DSG4: variants seen among roughly 807,000 people sequenced by gnomAD.
DSG4 encodes the protein desmoglein-4.
Under a neutral mutation model 93.1 loss-of-function variants are expected in DSG4, and 87 were observed. The observed-to-expected ratio is 0.93, with a 90% CI of 0.79 to 1.12. The LOEUF (loss-of-function observed/expected upper bound fraction) is 1.12, where lower values mean the gene tolerates loss of function less well. Among genes scored for constraint, DSG4 ranks in the 50% most tolerant of loss-of-function variants. The pLI, the probability that DSG4 is intolerant of heterozygous loss-of-function variation, is 0.00. For synonymous variants in DSG4, 432 were observed against 452.9 expected, an observed-to-expected ratio of 0.95 and a Z score of 0.59; for missense variants, 1,373 against 1,285.7, an observed-to-expected ratio of 1.07 and a Z score of -1.04.
intron 7 of DSG4, among the ~76,000 whole-genome samples, 163 bp downstream of exon 7, chr18:31,391,375 A>C (rs2072247764): frequency 1.3e-5 from 2 of 152,142 alleles, no homozygotes; most frequent in African/African-American, 4.8e-5. Context: ...ATACTAATAT[A>C]CCTTCAAATT....
chr18:31,387,421 T>A (rs1347753141), intron 3 of DSG4, among the ~76,000 whole-genome samples: 2 of 152,170 alleles, frequency 1.3e-5, no homozygotes, highest in Admixed American at 1.3e-4. Flanking sequence ...TCCAGCTTTA[T>A]ATTAAAAACA....
At chr18:31,385,277 G>C in intron 2 of DSG4, 106 bp downstream of exon 2, 1 of 848,204 alleles carries the variant, frequency 1.2e-6, no homozygotes, top group East Asian at 2.8e-5. Flanking sequence ...TAATTATCCA[G>C]GTAAAAGTTA....
At chr18:31,408,703 T>C (rs2072453703) in intron 12 of DSG4, among the ~76,000 whole-genome samples, 1 of 152,216 alleles carries the variant, frequency 6.6e-6, no homozygotes, top group Non-Finnish European at 1.5e-5. Flanking sequence ...TATCTTTAAT[T>C]AACCCACTTA....
At position 31,388,531 on chromosome 18, in the gene DSG4, T is replaced by C; in HGVS notation, c.372+9T>C. 2 of 1,613,186 alleles carry C rather than the reference T, an allele frequency of 1.2e-6. No homozygotes were observed. The highest frequency in any genetic ancestry group is 1.7e-6 in the Non-Finnish European group (2 of 1,179,394). ...TAACTCCACTTTTCTTGGTAAGTCA[T>C]AGCCATATGTTTTGATTTGTTCATA... is the stretch of plus-strand genomic sequence containing the variant. On this transcript the variant is annotated intron_variant, in intron 4 of 15. Transcript: ENST00000308128.
At position 31,413,171 on chromosome 18, in the gene DSG4, T is replaced by C; in HGVS notation, c.2699T>C (p.Val900Ala). The C allele has an allele frequency of 1.2e-6, 2 of 1,614,152 alleles. No individual in the cohort carries two copies. Among genetic ancestry groups the C allele is most frequent in the South Asian group, 1.1e-5 (1 of 91,082 alleles). ...FQEEMAASEP[V>A]VHGDIIVTET... is the part of the protein sequence containing the mutation. ...GAAGAAATGGCAGCATCTGAACCCG[T>C]GGTCCATGGGGATATTATTGTGACT... Residue 900 changes from valine (V) to alanine (A), a missense_variant, in exon 16 of 16, where the codon GTG becomes GCG. Val to Ala is a moderately conservative substitution (Grantham distance 64, BLOSUM62 0). Transcript: ENST00000308128.
At chr18:31,395,817 G>C (rs755739077) in intron 8 of DSG4, among the ~76,000 whole-genome samples, 2 of 152,198 alleles carry the variant, frequency 1.3e-5, no homozygotes, top group Non-Finnish European at 2.9e-5. Flanking sequence ...CCTGGACAAC[G>C]GGGTGAAACC....
At chr18:31,404,984 A>G (rs748612734) in intron 11 of DSG4, among the ~76,000 whole-genome samples, 1 of 152,200 alleles carries the variant, frequency 6.6e-6, no homozygotes, top group Non-Finnish European at 1.5e-5. Flanking sequence ...ACCTGTTTCA[A>G]TGCTTGCTGG....
intron 14 of DSG4, chr18:31,410,982 A>G: frequency 9.1e-7 from 1 of 1,096,036 alleles, no homozygotes; most frequent in Non-Finnish European, 1.3e-6. Context: ...CTTTAAGTCT[A>G]GGGCGAAGTC....
chr18:31,393,873 A>C (rs1028982266), intron 8 of DSG4, among the ~76,000 whole-genome samples: 2 of 152,172 alleles, frequency 1.3e-5, no homozygotes, highest in African/African-American at 4.8e-5. Flanking sequence ...TGGTATATTA[A>C]CTTAAGAGCT....
chr18:31,390,672 G>A lies in DSG4; in HGVS notation c.534G>A (p.Lys178=). ...TATTTCTAGATACATTGGTAGTAAAGTTATGTGCCACAGATGCAGATGAAG... is the reference window on the plus strand; with the variant it reads ...TATTTCTAGATACATTGGTAGTAAAATTATGTGCCACAGATGCAGATGAAG... ...ENSDANTLVV[K]LCATDADEEN... is the part of the protein sequence containing the mutation. Residue 178 remains lysine (K), a synonymous_variant, in exon 6 of 16, where the codon AAG becomes AAA. Transcript: ENST00000308128. 1 of 1,613,512 alleles carries A rather than the reference G, an allele frequency of 6.2e-7. No homozygotes were observed. The highest frequency in any genetic ancestry group is 8.5e-7 in the Non-Finnish European group (1 of 1,179,600).
chr18:31,410,121 G>A (rs1472939292), intron 14 of DSG4, among the ~76,000 whole-genome samples: 16 of 152,114 alleles, frequency 1.1e-4, no homozygotes, highest in Non-Finnish European at 2.9e-5. Flanking sequence ...GTTTGAGTTT[G>A]GCTCAAACTT....
Position 31,391,521 on chromosome 18 carries a change from G to A in DSG4, c.819+309G>A, listed in dbSNP as rs75777320. On this transcript the variant is annotated intron_variant, in intron 7 of 15. Transcript: ENST00000308128. ...CTGGGAATAACATAGCAACATTAAT[G>A]TTTTTGTATATGCCTCATGATTTGC... Among the ~76,000 whole-genome samples the A allele has an allele frequency of 0.03, 4,617 of 152,154 alleles. 86 individuals carry two copies. The highest frequency in any genetic ancestry group is 0.045 in the Non-Finnish European group (3,072 of 68,002).
intron 8 of DSG4, among the ~76,000 whole-genome samples, chr18:31,394,383 G>A (rs1035500700): frequency 4.9e-4 from 75 of 152,262 alleles, no homozygotes; most frequent in African/African-American, 1.8e-3. Flanking sequence ...TTTGAGACCA[G>A]CCTGACCAAC....
chr18:31,380,087 G>A (rs1254697094), intron 1 of DSG4, among the ~76,000 whole-genome samples: 1 of 152,112 alleles, frequency 6.6e-6, no homozygotes, highest in East Asian at 1.9e-4. Context: ...AATTCCTGCA[G>A]AGTCCATGGG....
rs1466002940 is a variant in DSG4 at position 31,387,651 on chromosome 18, G to A, written c.217-716G>A. On this transcript the variant is annotated intron_variant, in intron 3 of 15. Coordinates refer to ENST00000308128, the MANE Select transcript of DSG4 (RefSeq NM_177986.5). ...TTCTTCTATGTAAAAAGGGCCTTTG[G>A]ATTAGAGTTAAGCTAACCAAAGTTC... 2.6e-5 allele frequency among the ~76,000 whole-genome samples: 4 copies of A among 152,178 alleles called. No homozygotes were observed. The East Asian group carries it at 7.7e-4, about 29-fold the overall frequency.
chr18:31,406,873 G>C lies in DSG4; in HGVS notation c.1933+500G>C, dbSNP rs150465951. Among the ~76,000 whole-genome samples the C allele has an allele frequency of 1.5e-3, 232 of 152,064 alleles. 1 individual carries two copies. The highest frequency in any genetic ancestry group is 4.9e-3 in the African/African-American group (203 of 41,494). On this transcript the variant is annotated intron_variant, in intron 12 of 15. Coordinates refer to ENST00000308128, the MANE Select transcript of DSG4 (RefSeq NM_177986.5). ...GCTCACTGCAACTTCTGCCTCCCAG[G>C]TTCAAATGATTCTCCTGCCTCAGCC... is the stretch of plus-strand genomic sequence containing the variant.
intron 1 of DSG4, among the ~76,000 whole-genome samples, chr18:31,378,730 C>A (rs1442221635): frequency 6.6e-6 from 1 of 151,990 alleles, no homozygotes; most frequent in African/African-American, 2.4e-5. Context: ...GATCCCTTAC[C>A]ATATCAATTA....
intron 8 of DSG4, among the ~76,000 whole-genome samples, chr18:31,395,488 G>A (rs924128216): frequency 1.3e-5 from 2 of 152,036 alleles, no homozygotes; most frequent in Non-Finnish European, 1.5e-5. Flanking sequence ...TTACTACCTA[G>A]CCAAAAGAAC....
chr18:31,403,708 C>A, intron 11 of DSG4, 74 bp downstream of exon 11: 2 of 1,374,144 alleles, frequency 1.5e-6, no homozygotes, highest in South Asian at 1.2e-5. Context: ...TGTGGCAAGT[C>A]ACTTAATAAA....
Sources: allele counts gnomAD v4.1 joint callset (sites outside exome capture counted in the v4.1 genomes callset), GRCh38; gene constraint gnomAD v4.1.1; transcripts MANE v1.5; gene names NCBI Gene and HGNC (gene_info 2026-07-23, HGNC 2026-07-21).